Variants in ATP11C observed in about 807,000 individuals in gnomAD.
ATP11C encodes the protein ATPase phospholipid transporting 11C (ATP11C blood group), also known as phospholipid-transporting ATPase IG.
In ATP11C, 36 loss-of-function variants were observed where a neutral mutation model predicts 97.4. The ratio of observed to expected loss-of-function variants is 0.37; its 90% confidence interval spans 0.28 to 0.49. The LOEUF (loss-of-function observed/expected upper bound fraction) is 0.49, where lower values mean the gene tolerates loss of function less well. Among genes scored for constraint, ATP11C ranks in the 20% least tolerant of loss-of-function variants. The pLI is 0.98. For missense variants in ATP11C, 730 were observed against 824.6 expected (o/e 0.89, Z 1.40); for synonymous variants, 275 against 290.9 (o/e 0.95, Z 0.56).
intron 1 of ATP11C, among the ~76,000 whole-genome samples, chrX:139,914,109 G>A (rs1471125750): frequency 1.8e-5 from 2 of 111,899 alleles, no homozygotes; most frequent in Non-Finnish European, 3.8e-5. Flanking sequence ...CATCCCAGGA[G>A]CCCATGCAGT....
At chrX:139,771,301 T>A (rs1411268111) in intron 19 of ATP11C, among the ~76,000 whole-genome samples, 2 of 111,800 alleles carry the variant, frequency 1.8e-5, no homozygotes, top group Non-Finnish European at 3.8e-5. Context: ...TCGCCTTGAT[T>A]CTGAGGCCTC....
upstream of ATP11C, among the ~76,000 whole-genome samples, chrX:139,934,022 C>T (rs2085492691): frequency 9.0e-6 from 1 of 111,307 alleles, no homozygotes; most frequent in Admixed American, 9.6e-5. Flanking sequence ...TCCTAAAAGC[C>T]CTGGAGATTA....
chrX:139,782,467 G>A (rs769245916), intron 18 of ATP11C, 80 bp downstream of exon 18: 7 of 647,180 alleles, frequency 1.1e-5, no homozygotes, highest in Middle Eastern at 4.8e-4. Flanking sequence ...TTCAAACTTC[G>A]AGATTAAATT....
chrX:139,906,781 CA>C (rs11307874), intron 1 of ATP11C, among the ~76,000 whole-genome samples: 21,071 of 96,374 alleles, frequency 0.22, 3,428 homozygotes, highest in African/African-American at 0.51. Flanking sequence ...GACTCTGTCT[CA>C]AAAAAAAAAA....
At chrX:139,779,122 G>A (rs1160694321) in intron 18 of ATP11C, among the ~76,000 whole-genome samples, 3 of 111,479 alleles carry the variant, frequency 2.7e-5, no homozygotes, top group African/African-American at 3.3e-5. Flanking sequence ...AAGAGACAGA[G>A]AGCCATACAA....
intron 1 of ATP11C, among the ~76,000 whole-genome samples, chrX:139,850,686 G>A (rs903060789): frequency 1.8e-5 from 2 of 111,072 alleles, no homozygotes; most frequent in Non-Finnish European, 3.8e-5. Flanking sequence ...AGGCCGAGGC[G>A]GGTGGATCAC....
intron 21 of ATP11C, among the ~76,000 whole-genome samples, chrX:139,762,886 C>CA (rs1390816525): frequency 4.5e-5 from 5 of 111,575 alleles, no homozygotes. Context: ...TTAATACTGC[C>CA]ATGTTGAAAA....
At chrX:139,761,832 T>A in intron 22 of ATP11C, 129 bp downstream of exon 22, 1 of 473,160 alleles carries the variant, frequency 2.1e-6, no homozygotes, top group Non-Finnish European at 3.2e-6. Context: ...CTCTGCTTTG[T>A]TGACTGCAAA....
chrX:139,871,853 A>T (rs2084381603), intron 1 of ATP11C, among the ~76,000 whole-genome samples: 1 of 111,438 alleles, frequency 9.0e-6, no homozygotes, highest in Admixed American at 9.6e-5. Flanking sequence ...TTAACCACAT[A>T]TAATACTTTT....
At chrX:139,910,833 A>G (rs1298607198) in intron 1 of ATP11C, among the ~76,000 whole-genome samples, 1 of 110,287 alleles carries the variant, frequency 9.1e-6, no homozygotes, top group Non-Finnish European at 1.9e-5. Flanking sequence ...TAAAAAAAAA[A>G]CCCTCTTTAA....
At chrX:139,822,394 GTTTT>G (rs1232351743) in intron 2 of ATP11C, among the ~76,000 whole-genome samples, 186 of 101,042 alleles carry the variant, frequency 1.8e-3, no homozygotes, top group Middle Eastern at 4.8e-3. Flanking sequence ...TGTTTTTTGG[GTTTT>G]TTTTGTTTGT....
intron 1 of ATP11C, among the ~76,000 whole-genome samples, chrX:139,862,428 C>T (rs1027494254): frequency 1.3e-4 from 14 of 111,222 alleles, no homozygotes; most frequent in African/African-American, 3.9e-4. Context: ...TTGGGGACTG[C>T]GCCCTCTACC....
chrX:139,835,473 C>T (rs1408723757), intron 1 of ATP11C, among the ~76,000 whole-genome samples: 4 of 110,106 alleles, frequency 3.6e-5, no homozygotes, highest in Non-Finnish European at 5.7e-5. Flanking sequence ...GGTGTGATCT[C>T]GGCTCACTGC....
intron 8 of ATP11C, among the ~76,000 whole-genome samples, 167 bp downstream of exon 8, chrX:139,799,893 C>T (rs185056643): frequency 1.8e-5 from 2 of 109,581 alleles, no homozygotes; most frequent in Admixed American, 2.0e-4. Context: ...CTCAGGTGAT[C>T]CACCCACCTC....
intron 2 of ATP11C, among the ~76,000 whole-genome samples, chrX:139,826,017 G>A (rs2083519715): frequency 8.9e-6 from 1 of 112,155 alleles, no homozygotes; most frequent in Non-Finnish European, 1.9e-5. Flanking sequence ...TAGAATCGGG[G>A]CGATTAATTT....
chrX:139,769,752 A>G (rs959521281), intron 19 of ATP11C, among the ~76,000 whole-genome samples: 2 of 111,256 alleles, frequency 1.8e-5, no homozygotes, highest in Admixed American at 9.6e-5. Context: ...AGATTCAGTT[A>G]TCTAATTTAA....
chrX:139,871,516 CTTTTT>C (rs1206468631), intron 1 of ATP11C, among the ~76,000 whole-genome samples: 3 of 77,194 alleles, frequency 3.9e-5, no homozygotes, highest in African/African-American at 1.5e-4. Flanking sequence ...GCCACCCCCG[CTTTTT>C]TTTTTTTTTT....
intron 16 of ATP11C, among the ~76,000 whole-genome samples, chrX:139,783,854 T>G (rs1219628739): frequency 1.0e-5 from 1 of 100,058 alleles, no homozygotes; most frequent in Non-Finnish European, 1.9e-5. Flanking sequence ...GATGACAGAG[T>G]AATACCGTGT....
intron 16 of ATP11C, 46 bp downstream of exon 16, chrX:139,785,180 C>T: frequency 2.1e-6 from 2 of 973,217 alleles, no homozygotes; most frequent in South Asian, 2.1e-5. Flanking sequence ...AACCAATAAG[C>T]CTACAAATCA....
Sources: allele counts gnomAD v4.1 joint callset (sites outside exome capture counted in the v4.1 genomes callset), GRCh38; gene constraint gnomAD v4.1.1; transcripts MANE v1.5; gene names NCBI Gene and HGNC (gene_info 2026-07-23, HGNC 2026-07-21).